Variants in FMNL3 observed in about 807,000 individuals in gnomAD.
FMNL3 encodes formin-like protein 3.
Under a neutral mutation model 119.6 loss-of-function variants are expected in FMNL3, and 57 were observed. That is an observed-to-expected ratio of 0.48 (90% confidence interval 0.39 to 0.59). The LOEUF (loss-of-function observed/expected upper bound fraction) is 0.59, where lower values mean the gene tolerates loss of function less well. Ranked by LOEUF, FMNL3 falls within the 20% of genes least tolerant of loss-of-function variation. The pLI is 0.00. For synonymous variants in FMNL3, 491 were observed against 507.3 expected (o/e 0.97, Z 0.43); for missense variants, 1,053 against 1,323.5 (o/e 0.80, Z 3.17).
chr12:49,693,363 T>G, intron 1 of FMNL3, among the ~76,000 whole-genome samples: 1 of 151,040 alleles, frequency 6.6e-6, no homozygotes, highest in Non-Finnish European at 1.5e-5. Flanking sequence ...GTTTTTGTGT[T>G]TGTTTGTTTT....
intron 1 of FMNL3, chr12:49,688,328 C>T (rs1944519541): frequency 2.3e-6 from 1 of 444,090 alleles, no homozygotes; most frequent in African/African-American, 2.0e-5. Context: ...GGATTCTCCA[C>T]ACAGCAGACA....
rs779037216 is a variant in FMNL3, at chr12:49,654,350, A to G, written c.961-48T>C. ...AAGCAGCAACAGGAAGGGCAGAGGA[A>G]AGGCAAGAGACCAGGAGGATAGGCG... On this transcript the variant is annotated intron_variant, in intron 10 of 25. Coordinates refer to ENST00000335154, the MANE Select transcript of FMNL3 (RefSeq NM_175736.5). 2.6e-6 allele frequency: 4 copies of G among 1,511,154 alleles called. No homozygotes were observed. The Admixed American group carries it at 6.7e-5, about 25-fold the overall frequency. The allele number at this position is 1,511,154 out of a possible 1,614,324, so 93.6% of individuals were successfully genotyped here.
At position 49,665,852 on chromosome 12, in the gene FMNL3, A is replaced by G; in HGVS notation, c.348T>C (p.Ser116=). 1 of 1,614,182 alleles carries G rather than the reference A, an allele frequency of 6.2e-7. No homozygotes were observed. The highest frequency in any genetic ancestry group is 8.5e-7 in the Non-Finnish European group (1 of 1,180,048). ...STKVLRELEI[S]LRTNHIGWVR... Reference sequence around the variant, plus strand: ...CTCACCCAATGTGGTTGGTGCGAAGAGAGATCTCCAGCTCCCTTAGTACTT... The same window carrying G: ...CTCACCCAATGTGGTTGGTGCGAAGGGAGATCTCCAGCTCCCTTAGTACTT... The change falls in exon 4 of 26, where the codon TCT becomes TCC. Residue 116 remains serine, a synonymous_variant. Transcript: ENST00000335154.
chr12:49,705,396 G>T (rs1415787130), intron 1 of FMNL3, among the ~76,000 whole-genome samples: 1 of 152,124 alleles, frequency 6.6e-6, no homozygotes, highest in Non-Finnish European at 1.5e-5. Flanking sequence ...TCAACCAAGG[G>T]CCAATGAGAA....
chr12:49,648,454 T>C (rs1943284583), intron 21 of FMNL3, 101 bp from the exon 22 acceptor site: 1 of 1,238,822 alleles, frequency 8.1e-7, no homozygotes, highest in African/African-American at 1.5e-5. Context: ...CAGCATGGGC[T>C]CACTCAGGTT....
chr12:49,659,660 C>T (rs1202149039), intron 5 of FMNL3: 4 of 571,824 alleles, frequency 7.0e-6, no homozygotes, highest in Admixed American at 1.3e-4. Flanking sequence ...AGCAATCTCT[C>T]ATCTTGGCCT....
chr12:49,698,918 T>C (rs1944827210), intron 1 of FMNL3, among the ~76,000 whole-genome samples: 1 of 152,154 alleles, frequency 6.6e-6, no homozygotes, highest in South Asian at 2.1e-4. Context: ...ATCCCTGAAG[T>C]TCTCACCTGC....
chr12:49,666,148 C>G lies in FMNL3; in HGVS notation c.270G>C (p.Leu90Phe). ...TCACCTTCCGAGTTACACTGGGGTCCAAGAAGCTCTGGAGTTTCTGAATGT... is the reference window on the plus strand; with the variant it reads ...TCACCTTCCGAGTTACACTGGGGTCGAAGAAGCTCTGGAGTTTCTGAATGT... ...HTYIQKLQSF[L>F]DPSVTRKKFR... is the part of the protein sequence containing the mutation. Residue 90 changes from leucine to phenylalanine, a missense_variant, in exon 3 of 26, where the codon TTG becomes TTC. By Grantham distance (22) the Leu-to-Phe change is conservative. Around this residue, in one of 4 missense-constraint regions of FMNL3, gnomAD observed 264 missense variants for 265.5 expected, o/e 0.99. Transcript: ENST00000335154. The G allele has an allele frequency of 1.2e-6, 2 of 1,614,110 alleles. No homozygotes were observed. The highest frequency in any genetic ancestry group is 1.7e-6 in the Non-Finnish European group (2 of 1,179,976).
At chr12:49,696,235 G>A (rs746254571) in intron 1 of FMNL3, among the ~76,000 whole-genome samples, 1 of 152,154 alleles carries the variant, frequency 6.6e-6, no homozygotes, top group Non-Finnish European at 1.5e-5. Context: ...ACAATTAAGT[G>A]CTATGTAAAT....
At chr12:49,657,599 T>G (rs1943610407) in intron 6 of FMNL3, among the ~76,000 whole-genome samples, 13 of 152,182 alleles carry the variant, frequency 8.5e-5, no homozygotes. Flanking sequence ...ATCCCACTTC[T>G]GTATCACAGA....
intron 1 of FMNL3, among the ~76,000 whole-genome samples, chr12:49,674,423 ACCTCCCTGGACTCTAGG>A (rs372246225): frequency 1.9e-4 from 29 of 152,196 alleles, no homozygotes; most frequent in African/African-American, 7.0e-4. Flanking sequence ...GGCAGCAGTT[ACCTCCCTGGACTCTAGG>A]CCTCCAGCCC....
At position 49,648,176 on chromosome 12, in the gene FMNL3, C is replaced by A. The variant is rs141441344; in HGVS notation, c.2676+17G>T. The stretch of plus-strand genomic sequence containing the variant: ...CCTTGGCCCTGGTTGCTCCCACCGC[C>A]TGCACCCCGTGCTTGCCTCAGCCGT... On this transcript the variant is annotated intron_variant, in intron 22 of 25. Transcript: ENST00000335154. 2.1e-5 allele frequency: 34 copies of A among 1,607,674 alleles called. No individual in the cohort carries two copies. In the Middle Eastern group the frequency reaches 5.2e-4, roughly 24 times the overall value.
chr12:49,666,584 G>A (rs1319342180), intron 2 of FMNL3, among the ~76,000 whole-genome samples: 4 of 152,110 alleles, frequency 2.6e-5, no homozygotes, highest in South Asian at 2.1e-4. Context: ...TTGAGGCCAG[G>A]AGTTTGAGAA....
intron 1 of FMNL3, among the ~76,000 whole-genome samples, chr12:49,692,339 T>C (rs1437301597): frequency 6.6e-6 from 1 of 151,512 alleles, no homozygotes; most frequent in Non-Finnish European, 1.5e-5. Flanking sequence ...AAAAAAAAAC[T>C]TCAGTCTACC....
chr12:49,651,565 A>C, intron 14 of FMNL3, 115 bp from the exon 15 acceptor site: 4 of 911,154 alleles, frequency 4.4e-6, no homozygotes, highest in Non-Finnish European at 6.0e-6. Flanking sequence ...AAACTCTCAG[A>C]GAAGGAGCCT....
chr12:49,698,283 G>A (rs913863243), intron 1 of FMNL3, among the ~76,000 whole-genome samples: 2 of 151,964 alleles, frequency 1.3e-5, no homozygotes, highest in African/African-American at 4.8e-5. Context: ...TGGGTGAGGG[G>A]GGATAAGGTG....
At position 49,647,465 on chromosome 12, in the gene FMNL3, G is replaced by T. The variant is rs956514233; in HGVS notation, c.2779-97C>A. 1.5e-6 allele frequency: 2 copies of T among 1,348,840 alleles called. No homozygotes were observed. The highest frequency in any genetic ancestry group is 2.1e-6 in the Non-Finnish European group (2 of 952,992). The allele number at this position is 1,348,840 out of a possible 1,614,324, so 83.6% of individuals were successfully genotyped here. On this transcript the variant is annotated intron_variant, in intron 23 of 25. Transcript: ENST00000335154. This position sits in a 1 kb window ranked among gnomAD's most constrained non-coding sequence, Gnocchi z 4.9. ...TGGAGAGTGGGTGGCAGTGGGACCC[G>T]CTAACTCCAGGTGGCCACCCTCTGG... is the stretch of plus-strand genomic sequence containing the variant.
At position 49,638,682 on chromosome 12, in the gene FMNL3, G is replaced by A. The variant is rs1942186414; in HGVS notation, c.*7133C>T. On this transcript the variant is annotated 3_prime_UTR_variant, in exon 26 of 26. Transcript: ENST00000335154. The stretch of plus-strand genomic sequence containing the variant: ...TTTGAGGAGATAATACAGTACAGTG[G>A]TTAGGAGCGGGACTGGAGGCAGACT... 1 of 152,254 alleles carries A rather than the reference G, an allele frequency of 6.6e-6. No homozygotes were observed. The highest frequency in any genetic ancestry group is 2.1e-4 in the South Asian group (1 of 4,824). 9.4% of individuals were successfully genotyped at this position (152,254 alleles called of 1,614,324 possible).
chr12:49,674,418 C>T (rs1162263708), intron 1 of FMNL3, among the ~76,000 whole-genome samples: 1 of 152,214 alleles, frequency 6.6e-6, no homozygotes, highest in Non-Finnish European at 1.5e-5. Flanking sequence ...TGAAAGGCAG[C>T]AGTTACCTCC....
Sources: gnomAD v4.1 joint callset for allele counts (sites outside exome capture counted in the v4.1 genomes callset) on GRCh38, gnomAD v4.1.1 for gene constraint, gnomAD v4.1.1 regional missense constraint, Gnocchi (gnomAD v3.1) non-coding constraint, MANE v1.5 for transcripts, NCBI Gene and HGNC (gene_info 2026-07-23, HGNC 2026-07-21) for gene names.